The following TIPIN variants were observed in gnomAD, a reference collection of about 807,000 sequenced individuals.
TIPIN encodes TIMELESS interacting protein.
In TIPIN, 29 loss-of-function variants were observed where a neutral mutation model predicts 35.6. That is an observed-to-expected ratio of 0.82 (90% CI 0.61 to 1.11). The LOEUF is 1.11. Ranked by LOEUF, TIPIN falls within the 50% of genes most tolerant of loss-of-function variation. TIPIN has a pLI of 0.00. For missense variants in TIPIN, 296 were observed against 345.4 expected (o/e 0.86, Z 1.13); for synonymous variants, 102 against 121.5 (o/e 0.84, Z 1.06).
At chr15:66,341,000 C>A in intron 7 of TIPIN, 150 bp downstream of exon 7, 3 of 681,054 alleles carry the variant, frequency 4.4e-6, no homozygotes, top group Admixed American at 2.9e-5. Context: ...TCCTCTCTCA[C>A]ACACACTGTC....
chr15:66,383,519 C>T (rs963272021), intron 1 of TIPIN: 1 of 901,636 alleles, frequency 1.1e-6, no homozygotes, highest in Non-Finnish European at 1.3e-6. Context: ...CCACCTCAGC[C>T]TCCCAAAGTG....
chr15:66,339,861 C>T (rs2093072454), intron 7 of TIPIN, among the ~76,000 whole-genome samples: 2 of 151,834 alleles, frequency 1.3e-5, no homozygotes, highest in Admixed American at 1.3e-4. Context: ...AGTGACAAAA[C>T]ACAAGAAAAA....
chr15:66,380,002 C>T (rs11631602), intron 1 of TIPIN: 198,158 of 288,194 alleles, frequency 0.69, 60,229 homozygotes, highest in Admixed American at 0.76. Context: ...TTCTTTCTTT[C>T]TTTTTTTTTT....
upstream of TIPIN, among the ~76,000 whole-genome samples, chr15:66,361,385 A>G (rs1044927991): frequency 2.0e-5 from 3 of 151,010 alleles, no homozygotes; most frequent in Non-Finnish European, 4.4e-5. Context: ...TCTCCTGAGT[A>G]GCTGGGACTA....
At chr15:66,346,143 T>C (rs2093123525) in intron 6 of TIPIN, among the ~76,000 whole-genome samples, 1 of 152,116 alleles carries the variant, frequency 6.6e-6, no homozygotes, top group Non-Finnish European at 1.5e-5. Context: ...AGATGGGGTT[T>C]CACCATGTTG....
chr15:66,371,776 C>G (rs888598738), intron 1 of TIPIN, among the ~76,000 whole-genome samples: 13 of 151,818 alleles, frequency 8.6e-5, no homozygotes, highest in African/African-American at 2.9e-4. Flanking sequence ...CTCAGCCTCC[C>G]AAAGTGCTGG....
intron 6 of TIPIN, among the ~76,000 whole-genome samples, chr15:66,342,888 T>C (rs930068133): frequency 6.6e-6 from 1 of 152,180 alleles, no homozygotes; most frequent in African/African-American, 2.4e-5. Flanking sequence ...AAGTAAATAA[T>C]AGATCTTCCA....
chr15:66,363,502 C>T (rs538647678), intron 1 of TIPIN, among the ~76,000 whole-genome samples: 3 of 150,100 alleles, frequency 2.0e-5, no homozygotes, highest in South Asian at 2.1e-4. Context: ...ATTAGCTGGG[C>T]GTGGTGGCCG....
intron 1 of TIPIN, among the ~76,000 whole-genome samples, chr15:66,368,236 T>A (rs1230761263): frequency 6.6e-6 from 1 of 151,990 alleles, no homozygotes; most frequent in Non-Finnish European, 1.5e-5. Flanking sequence ...AAATAGTCTA[T>A]AGACTGGGCA....
At chr15:66,356,783 AC>A, upstream of TIPIN, 7 of 955,818 alleles carry the variant, frequency 7.3e-6, no homozygotes, top group Non-Finnish European at 8.7e-6. Flanking sequence ...AGCCTGCAAA[AC>A]CCGCCTCTCA....
chr15:66,343,317 C>T (rs1444791908), intron 6 of TIPIN, among the ~76,000 whole-genome samples: 1 of 152,008 alleles, frequency 6.6e-6, no homozygotes, highest in Non-Finnish European at 1.5e-5. Context: ...AAAGATAAAC[C>T]CCATCACATC....
intron 1 of TIPIN, among the ~76,000 whole-genome samples, chr15:66,369,788 G>A (rs1235244937): frequency 1.3e-5 from 2 of 152,160 alleles, no homozygotes; most frequent in Admixed American, 6.5e-5. Flanking sequence ...TAAAAACACC[G>A]ATAAACTTTA....
chr15:66,374,169 C>G (rs1423639982), intron 1 of TIPIN, among the ~76,000 whole-genome samples: 2 of 151,832 alleles, frequency 1.3e-5, no homozygotes, highest in African/African-American at 4.9e-5. Context: ...CTTCTGGGTA[C>G]CAGGAATCCT....
chr15:66,386,291 T>TA lies in TIPIN; in HGVS notation c.-9+315dup, dbSNP rs1223575420. The stretch of plus-strand genomic sequence containing the variant: ...TGGGCAACTGAGGGAGACACCGTCT[T>TA]AAAAAAAAAAAAGTTCCCAAGTCTA... On this transcript the variant is annotated intron_variant, in intron 1 of 7. Coordinates refer to the TIPIN transcript ENST00000562124. 4.4e-3 allele frequency: 606 copies of TA among 137,366 alleles called. 6 individuals carry two copies. The highest frequency in any genetic ancestry group is 0.014 in the African/African-American group (523 of 37,456). 8.5% of individuals were successfully genotyped at this position (137,366 alleles called of 1,614,324 possible).
At chr15:66,352,084 A>G in intron 3 of TIPIN, 45 bp downstream of exon 3, 1 of 1,429,048 alleles carries the variant, frequency 7.0e-7, no homozygotes, top group Non-Finnish European at 9.5e-7. Flanking sequence ...AACAATGGAT[A>G]TTAAAAATAA....
intron 1 of TIPIN, among the ~76,000 whole-genome samples, chr15:66,353,403 G>C (rs1316673284): frequency 6.6e-6 from 1 of 152,076 alleles, no homozygotes; most frequent in Non-Finnish European, 1.5e-5. Context: ...GGATCACGAG[G>C]TCAGGAGATC....
chr15:66,343,954 C>T (rs1429044832), intron 6 of TIPIN, among the ~76,000 whole-genome samples: 1 of 152,136 alleles, frequency 6.6e-6, no homozygotes, highest in Non-Finnish European at 1.5e-5. Context: ...GCCGAGATCA[C>T]ACCACTGCAC....
rs749532297 is a variant in TIPIN at position 66,337,117 on chromosome 15, CTT to C, written c.745_746del (p.Lys249GlyfsTer16). 19 of 1,614,036 alleles carry C rather than the reference CTT, an allele frequency of 1.2e-5. No homozygotes were observed. Among genetic ancestry groups the C allele is most frequent in the Middle Eastern group, 3.3e-4 (2 of 6,060 alleles). On this transcript the variant is annotated frameshift_variant, in exon 8 of 8. Transcript: ENST00000261881. LOFTEE classifies it high-confidence loss of function. The part of the protein sequence containing the change: ...VEEVNTDEDQ[K>X]EESNGLNEDI... The stretch of plus-strand genomic sequence containing the variant: ...CTTCGTTTAATCCATTTGACTCCTC[CTT>C]TTGATCCTCATCAGTATTAACCTCT...
intron 6 of TIPIN, chr15:66,348,204 C>G (rs1313790782): frequency 6.6e-6 from 1 of 151,868 alleles, no homozygotes; most frequent in East Asian, 1.9e-4. Flanking sequence ...TGGGGTCTCA[C>G]TCGGTTGCCC....
Sources: gnomAD v4.1 joint callset for allele counts (sites outside exome capture counted in the v4.1 genomes callset) on GRCh38, gnomAD v4.1.1 for gene constraint, MANE v1.5 for transcripts, NCBI Gene and HGNC (gene_info 2026-07-23, HGNC 2026-07-21) for gene names.